Variants in ATRNL1 observed in about 807,000 individuals in gnomAD.
ATRNL1 encodes the protein attractin like 1.
A neutral mutation model predicts 182.7 loss-of-function variants in ATRNL1; 95 were observed. That is an observed-to-expected ratio of 0.52 (90% confidence interval 0.44 to 0.62). ATRNL1 has a LOEUF of 0.62. Among genes scored for constraint, ATRNL1 ranks in the 20% least tolerant of loss-of-function variants. The pLI is 0.00. For missense variants in ATRNL1, 1,471 were observed against 1,679.5 expected (o/e 0.88, Z 2.17); for synonymous variants, 576 against 568.3 (o/e 1.01, Z -0.19).
intron 28 of ATRNL1, among the ~76,000 whole-genome samples, chr10:115,931,978 C>T (rs183267792): frequency 2.1e-4 from 32 of 152,312 alleles, no homozygotes; most frequent in Admixed American, 2.0e-3. Flanking sequence ...AATTCCAGAT[C>T]ACTCTGAAGT....
chr10:115,311,821 CTTCTTGTTGCA>C (rs1364940385), intron 17 of ATRNL1, among the ~76,000 whole-genome samples: 5 of 151,730 alleles, frequency 3.3e-5, no homozygotes, highest in African/African-American at 1.2e-4. Context: ...ATTGTAATAT[CTTCTTGTTGCA>C]TTGATACTTT....
intron 20 of ATRNL1, among the ~76,000 whole-genome samples, chr10:115,397,330 C>T (rs1434948791): frequency 6.6e-6 from 1 of 151,912 alleles, no homozygotes; most frequent in South Asian, 2.1e-4. Context: ...GAACCCCTTC[C>T]ACTTCTTAGG....
At chr10:115,710,132 T>TAA (rs71475106) in intron 26 of ATRNL1, among the ~76,000 whole-genome samples, 2,194 of 148,794 alleles carry the variant, frequency 0.015, 44 homozygotes, top group African/African-American at 0.049. Context: ...TATCCTATAG[T>TAA]AAAAAAAAAA....
chr10:115,342,085 CCTT>C lies in ATRNL1; in HGVS notation c.3175+7670_3175+7672del, dbSNP rs536473723. ...TCTGGTTGTTTTGTGTTCTTCTCTT[CCTT>C]CTTTCTTTCTGTCTTGCTTTAGTGA... On this transcript the variant is annotated intron_variant, in intron 19 of 28. Coordinates refer to ENST00000355044, the MANE Select transcript of ATRNL1 (RefSeq NM_207303.4). 6.9e-4 allele frequency among the ~76,000 whole-genome samples: 105 copies of C among 152,032 alleles called. 1 individual carries two copies. The highest frequency in any genetic ancestry group is 2.3e-3 in the African/African-American group (96 of 41,500).
chr10:115,641,295 A>T (rs900086465), intron 26 of ATRNL1, among the ~76,000 whole-genome samples: 1 of 152,210 alleles, frequency 6.6e-6, no homozygotes, highest in Admixed American at 6.5e-5. Context: ...CAACTTGATC[A>T]TATAATCAAT....
chr10:115,116,624 T>C (rs568795223), intron 1 of ATRNL1, among the ~76,000 whole-genome samples: 186 of 152,224 alleles, frequency 1.2e-3, no homozygotes, highest in African/African-American at 4.2e-3. Flanking sequence ...ATCATGAAAC[T>C]GAAGAAGGAG....
Position 115,727,236 on chromosome 10 carries a change from A to G in ATRNL1, c.3796-12A>G. 3 of 1,592,884 alleles carry G rather than the reference A, an allele frequency of 1.9e-6. No individual in the cohort carries two copies. The highest frequency in any genetic ancestry group is 2.2e-5 in the East Asian group (1 of 44,816). ...ACCTATTTTAAGATAAATCATTTTT[A>G]ACCCCCTCCAGCAACTGCTTCGAGA... is the stretch of plus-strand genomic sequence containing the variant. On this transcript the variant is annotated splice_polypyrimidine_tract_variant and intron_variant, in intron 26 of 28. Transcript: ENST00000355044.
intron 26 of ATRNL1, among the ~76,000 whole-genome samples, chr10:115,637,597 T>TTATTAC (rs1309906596): frequency 1.1e-4 from 11 of 98,948 alleles, no homozygotes; most frequent in African/African-American, 3.1e-4. Flanking sequence ...TAAAGTCAAT[T>TTATTAC]TATTACTATT....
intron 19 of ATRNL1, among the ~76,000 whole-genome samples, chr10:115,394,382 A>G (rs1844184486): frequency 6.6e-6 from 1 of 152,004 alleles, no homozygotes; most frequent in South Asian, 2.1e-4. Flanking sequence ...ACCAAAGTGA[A>G]AATGGAGAGA....
At chr10:115,648,627 A>G (rs1483804944) in intron 26 of ATRNL1, among the ~76,000 whole-genome samples, 1 of 152,170 alleles carries the variant, frequency 6.6e-6, no homozygotes, top group Non-Finnish European at 1.5e-5. Flanking sequence ...ACGAAATGGA[A>G]CAGAGCCCTC....
intron 8 of ATRNL1, among the ~76,000 whole-genome samples, chr10:115,172,035 A>G (rs781999437): frequency 1.3e-5 from 2 of 152,054 alleles, no homozygotes; most frequent in Admixed American, 6.6e-5. Flanking sequence ...GGACAACTAT[A>G]TATACAACTA....
chr10:115,124,153 A>G (rs1437789034), intron 3 of ATRNL1, among the ~76,000 whole-genome samples: 1 of 152,032 alleles, frequency 6.6e-6, no homozygotes, highest in African/African-American at 2.4e-5. Flanking sequence ...TCTGGTTCCA[A>G]AAAGGTTGGG....
At chr10:115,847,102 A>G (rs1350147773) in intron 27 of ATRNL1, among the ~76,000 whole-genome samples, 2 of 152,088 alleles carry the variant, frequency 1.3e-5, no homozygotes, top group African/African-American at 4.8e-5. Context: ...TAGGTATTTC[A>G]CTAAAACAAT....
chr10:115,202,700 G>T (rs1289020829), intron 8 of ATRNL1, among the ~76,000 whole-genome samples: 13 of 142,542 alleles, frequency 9.1e-5, no homozygotes, highest in African/African-American at 1.6e-4. Context: ...TCTCTTTTTT[G>T]GTTGTGTCTC....
At chr10:115,226,801 C>T (rs896129203) in intron 9 of ATRNL1, among the ~76,000 whole-genome samples, 1 of 152,058 alleles carries the variant, frequency 6.6e-6, no homozygotes, top group Non-Finnish European at 1.5e-5. Context: ...TGATCTTTGA[C>T]AAGGCTGACA....
chr10:115,172,140 A>G (rs553010960), intron 8 of ATRNL1, among the ~76,000 whole-genome samples: 1 of 152,172 alleles, frequency 6.6e-6, no homozygotes, highest in East Asian at 1.9e-4. Context: ...CTCCCCTTCG[A>G]AATACTCCAC....
chr10:115,127,888 A>G (rs1390881989), intron 4 of ATRNL1, among the ~76,000 whole-genome samples, 167 bp downstream of exon 4: 2 of 152,196 alleles, frequency 1.3e-5, no homozygotes, highest in African/African-American at 4.8e-5. Flanking sequence ...AAATCTTAAT[A>G]ATATGCCACA....
chr10:115,353,470 A>G (rs781938797), intron 19 of ATRNL1, among the ~76,000 whole-genome samples: 1 of 152,106 alleles, frequency 6.6e-6, no homozygotes, highest in Non-Finnish European at 1.5e-5. Context: ...TAGCTAAAGT[A>G]AATTTCTTAT....
In ATRNL1 at chr10:115,566,148, T is replaced by C. The variant is rs782616599; in HGVS notation, c.3795+16612T>C. Reference sequence around the variant, plus strand: ...TGGTGTCTTGCTGTATGGCCCAGGCTGGTCTTGAACACCTAGGCTTAGGCA... The same window carrying C: ...TGGTGTCTTGCTGTATGGCCCAGGCCGGTCTTGAACACCTAGGCTTAGGCA... On this transcript the variant is annotated intron_variant, in intron 26 of 28. Transcript: ENST00000355044. Among the ~76,000 whole-genome samples, 70 of 152,144 alleles carry C rather than the reference T, an allele frequency of 4.6e-4. 1 individual carries two copies. The highest frequency in any genetic ancestry group is 1.6e-4 in the Non-Finnish European group (11 of 68,014).
Sources: allele counts gnomAD v4.1 joint callset (sites outside exome capture counted in the v4.1 genomes callset), GRCh38; gene constraint gnomAD v4.1.1; transcripts MANE v1.5; gene names NCBI Gene and HGNC (gene_info 2026-07-23, HGNC 2026-07-21).